CAMTA1: variants seen among roughly 807,000 people sequenced by gnomAD.
The protein encoded by CAMTA1 is calmodulin binding transcription activator 1.
CAMTA1 carries 27 observed loss-of-function variants against 170.9 expected under a neutral mutation model. That is an observed-to-expected ratio of 0.16 (90% CI 0.12 to 0.22). The LOEUF (loss-of-function observed/expected upper bound fraction) is 0.22. Among genes scored for constraint, CAMTA1 ranks in the 10% least tolerant of loss-of-function variants. The pLI is 1.00. For synonymous variants in CAMTA1, 833 were observed against 891.5 expected (o/e 0.93, Z 1.17); for missense variants, 1,619 against 2,217.2 (o/e 0.73, Z 5.42).
At chr1:6,876,365 A>G (rs1022694821) in intron 3 of CAMTA1, among the ~76,000 whole-genome samples, 1 of 145,396 alleles carries the variant, frequency 6.9e-6, no homozygotes, top group Non-Finnish European at 1.5e-5. Flanking sequence ...TAATTAATTA[A>G]TTTTTTTTTT....
chr1:7,174,774 A>C (rs1022002482), intron 4 of CAMTA1, among the ~76,000 whole-genome samples: 2 of 152,094 alleles, frequency 1.3e-5, no homozygotes, highest in African/African-American at 4.8e-5. Context: ...GCTTCTAGGG[A>C]GGCAGGAGAA....
chr1:7,431,364 G>C (rs17030829), intron 5 of CAMTA1, among the ~76,000 whole-genome samples: 8,723 of 152,292 alleles, frequency 0.057, 433 homozygotes, highest in African/African-American at 0.13. Context: ...GGCTGCTCCA[G>C]GTGGCAGTCA....
chr1:7,213,188 AG>A (rs1659092774), intron 4 of CAMTA1, among the ~76,000 whole-genome samples: 1 of 152,224 alleles, frequency 6.6e-6, no homozygotes, highest in Non-Finnish European at 1.5e-5. Context: ...AATCTGCCAA[AG>A]CACTTTTCAA....
chr1:7,699,069 C>A (rs575411707), intron 11 of CAMTA1, among the ~76,000 whole-genome samples: 1 of 152,210 alleles, frequency 6.6e-6, no homozygotes, highest in Non-Finnish European at 1.5e-5. Flanking sequence ...TTCTATACTT[C>A]TTCATTCTCT....
chr1:7,512,376 G>A (rs367619555), intron 6 of CAMTA1, among the ~76,000 whole-genome samples: 85 of 152,340 alleles, frequency 5.6e-4, no homozygotes, highest in African/African-American at 1.8e-3. Flanking sequence ...GGGATGACAA[G>A]ATGCAATTTC....
At chr1:7,360,714 C>T (rs1163973164) in intron 5 of CAMTA1, among the ~76,000 whole-genome samples, 1 of 152,166 alleles carries the variant, frequency 6.6e-6, no homozygotes, top group East Asian at 1.9e-4. Context: ...CCCATTCTGG[C>T]CTGGCAGAGT....
intron 2 of CAMTA1, among the ~76,000 whole-genome samples, chr1:6,821,104 A>C (rs1217284338): frequency 1.3e-5 from 2 of 152,242 alleles, no homozygotes; most frequent in African/African-American, 4.8e-5. Flanking sequence ...GTTGATCATC[A>C]CACAACTCTA....
chr1:7,082,443 A>AGATAGATG (rs1640148992), intron 3 of CAMTA1, among the ~76,000 whole-genome samples: 1 of 129,552 alleles, frequency 7.7e-6, no homozygotes, highest in South Asian at 2.8e-4. Context: ...ATCTCGAAAT[A>AGATAGATG]GATAGATAGA....
chr1:7,679,031 G>A (rs963817774), intron 11 of CAMTA1, among the ~76,000 whole-genome samples: 1 of 152,218 alleles, frequency 6.6e-6, no homozygotes, highest in Non-Finnish European at 1.5e-5. Context: ...TCCCTGGGGT[G>A]GCTTTGGGTC....
At chr1:7,379,130 T>C (rs2087078327) in intron 5 of CAMTA1, among the ~76,000 whole-genome samples, 1 of 152,238 alleles carries the variant, frequency 6.6e-6, no homozygotes, top group Non-Finnish European at 1.5e-5. Context: ...TTGGCACCTT[T>C]GTAAAAATAT....
chr1:7,696,424 G>C (rs1457861834), intron 11 of CAMTA1, among the ~76,000 whole-genome samples: 1 of 151,182 alleles, frequency 6.6e-6, no homozygotes, highest in Non-Finnish European at 1.5e-5. Flanking sequence ...TCGAACACCT[G>C]ACCTCGTGAT....
At chr1:7,593,342 G>C (rs1398072722) in intron 6 of CAMTA1, among the ~76,000 whole-genome samples, 1 of 152,142 alleles carries the variant, frequency 6.6e-6, no homozygotes, top group Non-Finnish European at 1.5e-5. Flanking sequence ...TGGTGACCCA[G>C]TGGGAAGAAG....
Position 7,660,985 on chromosome 1 carries a change from C to T in CAMTA1, c.665-741C>T, listed in dbSNP as rs531661600. On this transcript the variant is annotated intron_variant, in intron 7 of 22. Coordinates refer to ENST00000303635, the MANE Select transcript of CAMTA1 (RefSeq NM_015215.4). ...GTTTAGACTTCCAGCCCCCATCCTG[C>T]CAGGCAGGTGGGGAAACCCCAATCC... Among the ~76,000 whole-genome samples, 9 of 152,338 alleles carry T rather than the reference C, an allele frequency of 5.9e-5. No homozygotes were observed. The South Asian group carries it at 1.9e-3, about 32-fold the overall frequency.
chr1:6,918,691 G>T lies in CAMTA1; in HGVS notation c.234+93481G>T, dbSNP rs1571704705. Among the ~76,000 whole-genome samples, 1 of 152,194 alleles carries T rather than the reference G, an allele frequency of 6.6e-6. No individual in the cohort carries two copies. The highest frequency in any genetic ancestry group is 2.4e-5 in the African/African-American group (1 of 41,446). On this transcript the variant is annotated intron_variant, in intron 3 of 22. Transcript: ENST00000303635. The surrounding 1 kb of genome is among the most constrained non-coding windows in gnomAD (Gnocchi z 4.0). ...ACATCTCTGCCCATGACAGGAGTTG[G>T]GCAGAGGGAGGGGAGGCTGGGCTCC...
At chr1:7,012,963 C>G (rs1700025335) in intron 3 of CAMTA1, among the ~76,000 whole-genome samples, 1 of 152,168 alleles carries the variant, frequency 6.6e-6, no homozygotes, top group Non-Finnish European at 1.5e-5. Flanking sequence ...CACATCTGAT[C>G]TGGCTGCTGC....
intron 3 of CAMTA1, among the ~76,000 whole-genome samples, chr1:7,057,420 G>A (rs773053392): frequency 3.3e-5 from 5 of 152,164 alleles, no homozygotes; most frequent in Admixed American, 6.5e-5. Context: ...ATGGCCCTCC[G>A]TGTGGCAGGC....
intron 5 of CAMTA1, among the ~76,000 whole-genome samples, chr1:7,374,939 A>G (rs2086732071): frequency 6.6e-6 from 1 of 152,138 alleles, no homozygotes; most frequent in South Asian, 2.1e-4. Context: ...TTCACCCTAC[A>G]ATGCTTCTCG....
intron 1 of CAMTA1, among the ~76,000 whole-genome samples, chr1:6,786,125 C>T (rs1290745985): frequency 2.0e-5 from 3 of 152,002 alleles, no homozygotes; most frequent in East Asian, 2.0e-4. Context: ...GTACTCTCTC[C>T]GGCACCCTCT....
At chr1:7,264,162 A>G (rs879477798) in intron 5 of CAMTA1, among the ~76,000 whole-genome samples, 6 of 152,106 alleles carry the variant, frequency 3.9e-5, no homozygotes, top group Non-Finnish European at 7.4e-5. Context: ...GCATTCCTCA[A>G]ACTTTCATGT....
Sources: allele counts gnomAD v4.1 joint callset (sites outside exome capture counted in the v4.1 genomes callset), GRCh38; gene constraint gnomAD v4.1.1; non-coding constraint Gnocchi (gnomAD v3.1); transcripts MANE v1.5; gene names NCBI Gene and HGNC (gene_info 2026-07-23, HGNC 2026-07-21).